Variants in NTM observed in about 807,000 individuals in gnomAD.
NTM encodes IgLON family member 2.
A neutral mutation model predicts 42.1 loss-of-function variants in NTM; 13 were observed. That is an observed-to-expected ratio of 0.31 (90% confidence interval 0.20 to 0.49). The LOEUF (loss-of-function observed/expected upper bound fraction) is 0.49. Among genes scored for constraint, NTM ranks in the 20% least tolerant of loss-of-function variants. The pLI is 0.99. For synonymous variants in NTM, 187 were observed against 179.2 expected, an observed-to-expected ratio of 1.04 and a Z score of -0.35; for missense variants, 373 against 452.8, an observed-to-expected ratio of 0.82 and a Z score of 1.60.
chr11:132,087,608 G>A (rs1286529164), intron 2 of NTM, among the ~76,000 whole-genome samples: 1 of 152,198 alleles, frequency 6.6e-6, no homozygotes, highest in East Asian at 1.9e-4. Flanking sequence ...TGTGGAATAG[G>A]GTCCTTCTCA....
At chr11:131,550,361 C>A (rs1464221807) in intron 1 of NTM, among the ~76,000 whole-genome samples, 1 of 152,096 alleles carries the variant, frequency 6.6e-6, no homozygotes, top group African/African-American at 2.4e-5. Context: ...TGTCGCTGCC[C>A]AAATCTCATG....
At chr11:132,327,907 A>G (rs980016736) in intron 7 of NTM, among the ~76,000 whole-genome samples, 2 of 149,388 alleles carry the variant, frequency 1.3e-5, no homozygotes, top group Non-Finnish European at 3.0e-5. Context: ...TGTTGTTAAT[A>G]TACCATTAAC....
At chr11:132,263,934 A>C (rs2093023049) in intron 4 of NTM, among the ~76,000 whole-genome samples, 1 of 152,200 alleles carries the variant, frequency 6.6e-6, no homozygotes, top group Non-Finnish European at 1.5e-5. Context: ...GGCATTCTCT[A>C]AGAAGATGGA....
chr11:131,641,299 A>G (rs919504808), intron 1 of NTM, among the ~76,000 whole-genome samples: 1 of 152,224 alleles, frequency 6.6e-6, no homozygotes, highest in Non-Finnish European at 1.5e-5. Flanking sequence ...AATGTTGCTC[A>G]GCCTTAGTTT....
chr11:131,529,975 C>T (rs1000802664), intron 1 of NTM, among the ~76,000 whole-genome samples: 2 of 152,140 alleles, frequency 1.3e-5, no homozygotes, highest in Non-Finnish European at 2.9e-5. Flanking sequence ...GAGGAGTGTA[C>T]AAGTGCCTTC....
intron 1 of NTM, among the ~76,000 whole-genome samples, chr11:131,712,161 A>T (rs917324282): frequency 7.0e-6 from 1 of 143,142 alleles, no homozygotes; most frequent in Non-Finnish European, 1.5e-5. Context: ...AAAAAAATAA[A>T]AATTAAAAAA....
chr11:132,052,642 C>T (rs1002718316), intron 2 of NTM, among the ~76,000 whole-genome samples: 3 of 152,134 alleles, frequency 2.0e-5, no homozygotes, highest in African/African-American at 4.8e-5. Flanking sequence ...ATTGCTTATT[C>T]GCTCCAAGTT....
intron 2 of NTM, among the ~76,000 whole-genome samples, chr11:131,986,944 T>G: frequency 6.6e-6 from 1 of 152,216 alleles, no homozygotes; most frequent in South Asian, 2.1e-4. Flanking sequence ...GCAAAGAAGA[T>G]TATATTGGTT....
At chr11:131,625,660 C>A (rs1245642168) in intron 1 of NTM, among the ~76,000 whole-genome samples, 2 of 151,926 alleles carry the variant, frequency 1.3e-5, no homozygotes, top group African/African-American at 2.4e-5. Context: ...ACTCAAATAA[C>A]CAGCATGCCA....
chr11:131,783,981 A>C (rs2136034047), intron 1 of NTM, among the ~76,000 whole-genome samples: 1 of 152,322 alleles, frequency 6.6e-6, no homozygotes, highest in Non-Finnish European at 1.5e-5. Context: ...TAAAATGTTT[A>C]AACAAATACT....
intron 1 of NTM, among the ~76,000 whole-genome samples, chr11:131,799,464 A>G (rs2091919103): frequency 6.6e-6 from 1 of 152,176 alleles, no homozygotes; most frequent in Non-Finnish European, 1.5e-5. Context: ...ATCCTCAGGT[A>G]ATGTGGGGCC....
chr11:132,165,107 A>G (rs182771746), intron 3 of NTM, among the ~76,000 whole-genome samples: 194 of 152,176 alleles, frequency 1.3e-3, no homozygotes, highest in African/African-American at 4.4e-3. Context: ...CATGATAGTG[A>G]TATCTTTATA....
At chr11:131,992,124 C>T (rs1004526294) in intron 2 of NTM, among the ~76,000 whole-genome samples, 1 of 152,136 alleles carries the variant, frequency 6.6e-6, no homozygotes, top group Non-Finnish European at 1.5e-5. Flanking sequence ...GACAGCAAGA[C>T]CAGTTCCTCC....
chr11:131,605,365 A>G (rs2060855618), intron 1 of NTM, among the ~76,000 whole-genome samples: 1 of 152,198 alleles, frequency 6.6e-6, no homozygotes, highest in East Asian at 1.9e-4. Flanking sequence ...GTTAATTGCT[A>G]GTGTAGAAAA....
intron 1 of NTM, among the ~76,000 whole-genome samples, chr11:131,786,971 C>T (rs2089340521): frequency 6.6e-6 from 1 of 151,710 alleles, no homozygotes; most frequent in Non-Finnish European, 1.5e-5. Context: ...CTCTGGCTTC[C>T]TATAAACATC....
chr11:132,067,809 A>AG (rs2056748352), intron 2 of NTM, among the ~76,000 whole-genome samples: 1 of 152,150 alleles, frequency 6.6e-6, no homozygotes, highest in Non-Finnish European at 1.5e-5. Flanking sequence ...TTTTTCATGA[A>AG]GGGTAGCACA....
At chr11:131,854,513 G>A (rs910904263) in intron 1 of NTM, among the ~76,000 whole-genome samples, 3 of 152,166 alleles carry the variant, frequency 2.0e-5, no homozygotes, top group African/African-American at 7.2e-5. Context: ...AAAAGCAGAA[G>A]GAAATGTACT....
intron 1 of NTM, among the ~76,000 whole-genome samples, chr11:131,779,553 G>T (rs997453028): frequency 6.6e-6 from 1 of 152,014 alleles, no homozygotes; most frequent in Non-Finnish European, 1.5e-5. Context: ...AGACTAGTAG[G>T]GAAAATAATT....
At chr11:131,976,171 CCTTT>C (rs1253540033) in intron 2 of NTM, among the ~76,000 whole-genome samples, 1 of 140,454 alleles carries the variant, frequency 7.1e-6, no homozygotes, top group East Asian at 2.5e-4. Context: ...TTCCTTCCTT[CCTTT>C]CTTCCTTTCT....
Sources: allele counts gnomAD v4.1 joint callset (sites outside exome capture counted in the v4.1 genomes callset), GRCh38; gene constraint gnomAD v4.1.1; transcripts MANE v1.5; gene names NCBI Gene and HGNC (gene_info 2026-07-23, HGNC 2026-07-21).